Variants in CCDC122 observed in about 807,000 individuals in gnomAD.
CCDC122 encodes the protein coiled-coil domain containing 122.
A neutral mutation model predicts 37.0 loss-of-function variants in CCDC122; 38 were observed. The ratio of observed to expected loss-of-function variants is 1.03; its 90% CI spans 0.79 to 1.35. The LOEUF is 1.35. CCDC122 is among the 40% of genes most tolerant of loss of function. The pLI is 0.00. For synonymous variants in CCDC122, 83 were observed against 95.6 expected (o/e 0.87, Z 0.77); for missense variants, 305 against 310.0 (o/e 0.98, Z 0.12).
chr13:43,854,423 C>T (rs1332952095), intron 6 of CCDC122: 5 of 151,976 alleles, frequency 3.3e-5, no homozygotes, highest in South Asian at 4.1e-4. Context: ...AAGACTGAAC[C>T]GGGAAGAAAT....
chr13:43,873,598 C>A (rs1257932452), intron 2 of CCDC122, among the ~76,000 whole-genome samples: 2 of 152,146 alleles, frequency 1.3e-5, no homozygotes, highest in African/African-American at 4.8e-5. Flanking sequence ...CCTTAACACT[C>A]CAAGGCTGCT....
chr13:43,869,175 T>C (rs375204265), intron 3 of CCDC122, among the ~76,000 whole-genome samples, 156 bp downstream of exon 3: 36 of 152,186 alleles, frequency 2.4e-4, no homozygotes, highest in African/African-American at 8.2e-4. Flanking sequence ...CAGGTTGATA[T>C]GCCTTTGCTA....
intron 1 of CCDC122, among the ~76,000 whole-genome samples, chr13:43,876,098 GAACCACCA>G (rs1475265575): frequency 6.6e-6 from 1 of 152,160 alleles, no homozygotes; most frequent in Non-Finnish European, 1.5e-5. Context: ...AGAGGTAAGT[GAACCACCA>G]AAATGTGCAA....
intron 2 of CCDC122, among the ~76,000 whole-genome samples, chr13:43,870,601 A>T (rs974613422): frequency 6.6e-6 from 1 of 151,538 alleles, no homozygotes; most frequent in South Asian, 2.1e-4. Context: ...GCTTTAGATT[A>T]AAAAAAAATT....
intron 6 of CCDC122, among the ~76,000 whole-genome samples, chr13:43,850,442 A>G (rs2153872469): frequency 6.6e-6 from 1 of 152,338 alleles, no homozygotes; most frequent in South Asian, 2.1e-4. Context: ...GCCTGGAAAA[A>G]ATGTAAAAAA....
chr13:43,873,942 C>CA (rs1453092767), intron 2 of CCDC122, among the ~76,000 whole-genome samples: 1 of 152,162 alleles, frequency 6.6e-6, no homozygotes. Context: ...AGTCTATCTC[C>CA]ACTCCAGTTT....
chr13:43,870,257 C>A (rs532805398), intron 2 of CCDC122, among the ~76,000 whole-genome samples: 1 of 152,122 alleles, frequency 6.6e-6, no homozygotes, highest in East Asian at 1.9e-4. Flanking sequence ...TCTTTCCTGT[C>A]GCTTCATGTC....
intron 4 of CCDC122, among the ~76,000 whole-genome samples, chr13:43,866,010 T>G (rs1402322037): frequency 1.3e-5 from 2 of 152,154 alleles, no homozygotes; most frequent in Non-Finnish European, 2.9e-5. Context: ...ACTGCCACAA[T>G]CAATCTGATA....
intron 3 of CCDC122, among the ~76,000 whole-genome samples, chr13:43,828,555 TACAC>T (rs56901535): frequency 0.29 from 41,890 of 145,960 alleles, 6,257 homozygotes; most frequent in East Asian, 0.36. Context: ...TATAGACAGA[TACAC>T]ACACACACAC....
At chr13:43,822,619 A>T (rs1239077708), downstream of CCDC122, among the ~76,000 whole-genome samples, 1 of 152,196 alleles carries the variant, frequency 6.6e-6, no homozygotes, top group Non-Finnish European at 1.5e-5. Context: ...CTGATGTTCT[A>T]TTCTACTGTG....
chr13:43,855,353 T>C (rs1209725268), intron 6 of CCDC122: 1 of 127,118 alleles, frequency 7.9e-6, no homozygotes, highest in South Asian at 2.9e-4. Flanking sequence ...TCAAATCCCA[T>C]TCACAGTTGC....
downstream of CCDC122, among the ~76,000 whole-genome samples, chr13:43,820,048 C>T (rs2153867247): frequency 6.6e-6 from 1 of 151,870 alleles, no homozygotes; most frequent in African/African-American, 2.4e-5. Flanking sequence ...CTAAAATTTT[C>T]AGCACAGGAG....
chr13:43,843,535 T>A (rs571466088), intron 6 of CCDC122, among the ~76,000 whole-genome samples: 14 of 152,092 alleles, frequency 9.2e-5, no homozygotes, highest in Admixed American at 9.1e-4. Flanking sequence ...AGGATTCCTA[T>A]CAATTTTGTT....
intron 3 of CCDC122, among the ~76,000 whole-genome samples, chr13:43,830,443 C>G (rs1953079220): frequency 6.6e-6 from 1 of 151,986 alleles, no homozygotes; most frequent in Non-Finnish European, 1.5e-5. Context: ...GAAGTCTTCC[C>G]CAGAGAAATT....
intron 4 of CCDC122, among the ~76,000 whole-genome samples, chr13:43,868,484 T>C (rs1355869134): frequency 6.6e-6 from 1 of 152,132 alleles, no homozygotes; most frequent in East Asian, 1.9e-4. Flanking sequence ...ATCCTACAGT[T>C]GCAATGACAT....
chr13:43,835,391 C>T (rs928027069), downstream of CCDC122, among the ~76,000 whole-genome samples: 1 of 152,052 alleles, frequency 6.6e-6, no homozygotes, highest in Non-Finnish European at 1.5e-5. Flanking sequence ...AGCACACCAA[C>T]ATGGCACATG....
chr13:43,868,481 A>C (rs368200733), intron 4 of CCDC122, among the ~76,000 whole-genome samples: 24 of 152,256 alleles, frequency 1.6e-4, no homozygotes, highest in East Asian at 9.6e-4. Flanking sequence ...CTTATCCTAC[A>C]GTTGCAATGA....
intron 6 of CCDC122, among the ~76,000 whole-genome samples, chr13:43,840,510 C>T (rs1487829612): frequency 1.3e-5 from 2 of 152,090 alleles, no homozygotes; most frequent in African/African-American, 2.4e-5. Context: ...GGTATATCTC[C>T]TAATGCTATC....
rs572599441 is a variant in CCDC122, at chr13:43,863,028, C to T, written c.157-2958G>A. 5.4e-4 allele frequency among the ~76,000 whole-genome samples: 82 copies of T among 151,430 alleles called. 1 individual carries two copies. The highest frequency in any genetic ancestry group is 6.2e-4 in the Non-Finnish European group (42 of 67,940). ...CTCCTTTTTAAACTTACAGCTTTATCGAAGCAAAATTAATATAAATACATA... is the reference window on the plus strand; with the variant it reads ...CTCCTTTTTAAACTTACAGCTTTATTGAAGCAAAATTAATATAAATACATA... On this transcript the variant is annotated intron_variant, in intron 4 of 6. Coordinates refer to ENST00000444614, the MANE Select transcript of CCDC122 (RefSeq NM_144974.5).
Sources: gnomAD v4.1 joint callset for allele counts (sites outside exome capture counted in the v4.1 genomes callset) on GRCh38, gnomAD v4.1.1 for gene constraint, MANE v1.5 for transcripts, NCBI Gene and HGNC (gene_info 2026-07-23, HGNC 2026-07-21) for gene names.